The following RNF152 variants were observed in gnomAD, a reference collection of about 807,000 sequenced individuals.
RNF152 encodes the protein ring finger protein 152.
In RNF152, 11 loss-of-function variants were observed where a neutral mutation model predicts 12.7. The ratio of observed to expected loss-of-function variants is 0.86; its 90% CI spans 0.54 to 1.43. The LOEUF (loss-of-function observed/expected upper bound fraction) is 1.43, where lower values mean the gene tolerates loss of function less well. Ranked by LOEUF, RNF152 falls within the 40% of genes most tolerant of loss-of-function variation. The pLI is 0.00. For synonymous variants in RNF152, 113 were observed against 120.3 expected, an observed-to-expected ratio of 0.94 and a Z score of 0.40; for missense variants, 255 against 274.8, an observed-to-expected ratio of 0.93 and a Z score of 0.51.
Position 61,816,527 on chromosome 18 carries a change from A to G in RNF152, c.-64T>C. ...GGGAAGGAGCTGCTTCTCAGAGGCCACCGCCCTGTGTCTTTGCAGTGCAGG... is the reference window on the plus strand; with the variant it reads ...GGGAAGGAGCTGCTTCTCAGAGGCCGCCGCCCTGTGTCTTTGCAGTGCAGG... On this transcript the variant is annotated 5_prime_UTR_variant, in exon 2 of 2. Coordinates refer to ENST00000312828, the MANE Select transcript of RNF152 (RefSeq NM_173557.3). The G allele has an allele frequency of 2.6e-6, 4 of 1,540,994 alleles. No individual in the cohort carries two copies. In the South Asian group the frequency reaches 5.0e-5, roughly 19 times the overall value.
chr18:61,879,413 G>A (rs1216285314), intron 1 of RNF152, among the ~76,000 whole-genome samples: 1 of 152,130 alleles, frequency 6.6e-6, no homozygotes, highest in Non-Finnish European at 1.5e-5. Context: ...ACTTGAGCAT[G>A]CATGGATCTT....
intron 1 of RNF152, among the ~76,000 whole-genome samples, chr18:61,858,713 A>G (rs954152818): frequency 3.3e-5 from 5 of 152,154 alleles, no homozygotes; most frequent in African/African-American, 4.8e-5. Context: ...CATGGAGAAG[A>G]AGCTGGAGAG....
intron 1 of RNF152, chr18:61,890,642 A>G (rs1362057357): frequency 2.0e-5 from 3 of 152,242 alleles, no homozygotes; most frequent in African/African-American, 7.2e-5. Flanking sequence ...AAAATCTGCA[A>G]AAGCATCCCA....
chr18:61,816,116 G>A lies in RNF152; in HGVS notation c.348C>T (p.Asp116=). The A allele has an allele frequency of 6.2e-7, 1 of 1,614,198 alleles. No homozygotes were observed. Among genetic ancestry groups the A allele is most frequent in the Non-Finnish European group, 8.5e-7 (1 of 1,180,038 alleles). The change falls in exon 2 of 2, where the codon GAC becomes GAT. Residue 116 remains aspartate (D), a synonymous_variant. Transcript: ENST00000312828. ...TCCCGGGCAGCAGGCGGCAGCCCAT[G>A]TCTCCGGGCAGCAGCGCACGCTCCT... The part of the protein sequence containing the change: ...ISKERALLPG[D]MGCRLLPGSQ...
intron 1 of RNF152, among the ~76,000 whole-genome samples, chr18:61,884,089 T>C (rs1458836215): frequency 6.6e-6 from 1 of 152,230 alleles, no homozygotes; most frequent in African/African-American, 2.4e-5. Flanking sequence ...TGGTGGATGG[T>C]AGATGCTGGA....
chr18:61,863,718 C>T (rs1222789594), intron 1 of RNF152, among the ~76,000 whole-genome samples: 1 of 152,088 alleles, frequency 6.6e-6, no homozygotes, highest in Non-Finnish European at 1.5e-5. Context: ...TTCTGGGCTT[C>T]GAAGAGTGCT....
At chr18:61,847,702 C>G (rs560269278) in intron 1 of RNF152, among the ~76,000 whole-genome samples, 1 of 152,240 alleles carries the variant, frequency 6.6e-6, no homozygotes, top group African/African-American at 2.4e-5. Context: ...TTCTCATAGG[C>G]GTCTCAAAGC....
intron 1 of RNF152, among the ~76,000 whole-genome samples, chr18:61,818,759 T>C (rs901440295): frequency 6.6e-6 from 1 of 152,230 alleles, no homozygotes; most frequent in African/African-American, 2.4e-5. Flanking sequence ...AACACACGAA[T>C]ATATTTTTTC....
At chr18:61,894,378 C>G (rs1404758446), upstream of RNF152, 1 of 151,748 alleles carries the variant, frequency 6.6e-6, no homozygotes, top group African/African-American at 2.4e-5. This position sits in a 1 kb window ranked among gnomAD's most constrained non-coding sequence, Gnocchi z 4.9. Flanking sequence ...CCTGCCCGGC[C>G]GCCCTCCGCG....
intron 1 of RNF152, among the ~76,000 whole-genome samples, chr18:61,861,477 C>T (rs1195260423): frequency 1.3e-5 from 2 of 152,164 alleles, no homozygotes; most frequent in Non-Finnish European, 2.9e-5. Context: ...TGTAAGTGTA[C>T]TCACTCCATA....
At chr18:61,880,742 G>A (rs576808786) in intron 1 of RNF152, among the ~76,000 whole-genome samples, 16 of 152,122 alleles carry the variant, frequency 1.1e-4, no homozygotes, top group African/African-American at 2.4e-4. Flanking sequence ...TTTGCATCAG[G>A]CAAAATGTTT....
At chr18:61,877,332 T>A (rs1912257280) in intron 1 of RNF152, among the ~76,000 whole-genome samples, 3 of 152,202 alleles carry the variant, frequency 2.0e-5, no homozygotes, top group African/African-American at 7.2e-5. Flanking sequence ...AGGACACTAA[T>A]CCATGGCATT....
At chr18:61,837,034 C>T (rs1237463866) in intron 1 of RNF152, among the ~76,000 whole-genome samples, 1 of 152,180 alleles carries the variant, frequency 6.6e-6, no homozygotes, top group African/African-American at 2.4e-5. Context: ...TCAACTTTAG[C>T]ACCCTCAATA....
At chr18:61,872,210 AG>A (rs778521691) in intron 1 of RNF152, among the ~76,000 whole-genome samples, 3 of 152,278 alleles carry the variant, frequency 2.0e-5, no homozygotes, top group Non-Finnish European at 4.4e-5. Flanking sequence ...CAGCACCAAA[AG>A]GATAGTGCTA....
At position 61,815,795 on chromosome 18, in the gene RNF152, C is replaced by T; in HGVS notation, c.*57G>A. 1.3e-6 allele frequency: 2 copies of T among 1,574,804 alleles called. No homozygotes were observed. The highest frequency in any genetic ancestry group is 2.4e-5 in the South Asian group (2 of 84,040). On this transcript the variant is annotated 3_prime_UTR_variant, in exon 2 of 2. Transcript: ENST00000312828. ...CCCCATCTTCTCACTGGGATCTCAT[C>T]ATCAACCTGCTCAACCCCTAAGTTG...
In RNF152 at chr18:61,863,834, C is replaced by T. The variant is rs185661411; in HGVS notation, c.-136+28961G>A. Among the ~76,000 whole-genome samples, 24 of 152,288 alleles carry T rather than the reference C, an allele frequency of 1.6e-4. No individual in the cohort carries two copies. The East Asian group carries it at 1.7e-3, about 11-fold the overall frequency. ...AAGAGTAAGGAAGTCAGAGCCAGGG[C>T]GGAGTGGCAGGTGTCCAAGGTAAGG... On this transcript the variant is annotated intron_variant, in intron 1 of 1. Coordinates refer to ENST00000312828, the MANE Select transcript of RNF152 (RefSeq NM_173557.3).
chr18:61,823,750 C>G (rs1909529206), intron 1 of RNF152, among the ~76,000 whole-genome samples: 1 of 152,220 alleles, frequency 6.6e-6, no homozygotes, highest in South Asian at 2.1e-4. Context: ...AGCACACCAT[C>G]CAGAAGGCCA....
At chr18:61,872,689 T>C (rs77256844) in intron 1 of RNF152, among the ~76,000 whole-genome samples, 4,867 of 152,266 alleles carry the variant, frequency 0.032, 267 homozygotes, top group African/African-American at 0.11. Context: ...TATTCTCTTC[T>C]TCCACAACTA....
In RNF152 at chr18:61,815,670, T is replaced by C; in HGVS notation, c.*182A>G. 1.7e-6 allele frequency: 1 copy of C among 603,786 alleles called. No homozygotes were observed. The highest frequency in any genetic ancestry group is 2.9e-6 in the Non-Finnish European group (1 of 344,700). 37.4% of individuals were successfully genotyped at this position (603,786 alleles called of 1,614,324 possible). ...TCAACACTCAGAACAATTCACCTGG[T>C]ATCTTGTTGAGACCGCACCTTCTGC... is the stretch of plus-strand genomic sequence containing the variant. On this transcript the variant is annotated 3_prime_UTR_variant, in exon 2 of 2. Coordinates refer to ENST00000312828, the MANE Select transcript of RNF152 (RefSeq NM_173557.3).
Sources: allele counts gnomAD v4.1 joint callset (sites outside exome capture counted in the v4.1 genomes callset), GRCh38; gene constraint gnomAD v4.1.1; non-coding constraint Gnocchi (gnomAD v3.1); transcripts MANE v1.5; gene names NCBI Gene and HGNC (gene_info 2026-07-23, HGNC 2026-07-21).